RNF150: variants seen among roughly 807,000 people sequenced by gnomAD.
RNF150 encodes the protein ring finger protein 150.
In RNF150, 24 loss-of-function variants were observed where a neutral mutation model predicts 39.3. The ratio of observed to expected loss-of-function variants is 0.61; its 90% confidence interval spans 0.44 to 0.86. The LOEUF (loss-of-function observed/expected upper bound fraction) is 0.86, where lower values mean the gene tolerates loss of function less well. Ranked by LOEUF, RNF150 falls within the 40% of genes least tolerant of loss-of-function variation. The probability of loss-of-function intolerance (pLI) is 0.00; values close to 1 mark genes in which losing one functional copy is unlikely to be tolerated. For missense variants in RNF150, 502 were observed against 587.8 expected, an observed-to-expected ratio of 0.85 and a Z score of 1.51; for synonymous variants, 255 against 227.3, an observed-to-expected ratio of 1.12 and a Z score of -1.10.
At chr4:141,142,069 C>T (rs1727125869) in intron 1 of RNF150, among the ~76,000 whole-genome samples, 1 of 151,960 alleles carries the variant, frequency 6.6e-6, no homozygotes, top group Admixed American at 6.6e-5. Flanking sequence ...AATGGGTTCC[C>T]TAGAATGTCT....
At chr4:141,204,442 A>G (rs1411886619) in intron 1 of RNF150, among the ~76,000 whole-genome samples, 1 of 152,220 alleles carries the variant, frequency 6.6e-6, no homozygotes, top group Non-Finnish European at 1.5e-5. Flanking sequence ...TTCTTAGACA[A>G]AAAGATAAAA....
At position 140,906,898 on chromosome 4, in the gene RNF150, A is replaced by C. The variant is rs1484742259; in HGVS notation, c.1198+4246T>G. On this transcript the variant is annotated intron_variant, in intron 6 of 6. Coordinates refer to ENST00000515673, the MANE Select transcript of RNF150 (RefSeq NM_020724.2). ...AGAGGACTTGTGTAGTGACTCAGTA[A>C]GGGGAATAAGGAAATGAATGGCGAG... 2.0e-5 allele frequency among the ~76,000 whole-genome samples: 3 copies of C among 152,306 alleles called. No homozygotes were observed. The East Asian group carries it at 5.8e-4, about 29-fold the overall frequency.
At chr4:141,078,288 G>A (rs1157750483) in intron 1 of RNF150, among the ~76,000 whole-genome samples, 1 of 152,098 alleles carries the variant, frequency 6.6e-6, no homozygotes, top group Admixed American at 6.5e-5. Flanking sequence ...AAAAGCAACT[G>A]CAATCCTTTT....
intron 5 of RNF150, among the ~76,000 whole-genome samples, chr4:140,921,867 C>T (rs1731168130): frequency 6.6e-6 from 1 of 152,030 alleles, no homozygotes; most frequent in African/African-American, 2.4e-5. Context: ...AAGACAAAAA[C>T]CACATGATTA....
chr4:140,974,285 G>C, intron 1 of RNF150, among the ~76,000 whole-genome samples: 1 of 152,092 alleles, frequency 6.6e-6, no homozygotes, highest in East Asian at 1.9e-4. Context: ...CTCTAGATTG[G>C]CTTTTTCTCA....
At chr4:140,886,973 T>C (rs554542363) in intron 6 of RNF150, among the ~76,000 whole-genome samples, 4 of 152,350 alleles carry the variant, frequency 2.6e-5, no homozygotes, top group African/African-American at 9.6e-5. Context: ...AGCTAATGTA[T>C]GGTGCAAAGT....
chr4:141,084,011 G>A (rs562824463), intron 1 of RNF150, among the ~76,000 whole-genome samples: 9 of 152,242 alleles, frequency 5.9e-5, no homozygotes, highest in Non-Finnish European at 1.0e-4. Flanking sequence ...AATGTGATGT[G>A]GGTAATACTG....
intron 1 of RNF150, among the ~76,000 whole-genome samples, chr4:140,981,229 A>C (rs1006048998): frequency 1.3e-5 from 2 of 152,160 alleles, no homozygotes; most frequent in African/African-American, 4.8e-5. Flanking sequence ...TTGGGACCAG[A>C]AGTGTTTCAG....
chr4:140,914,922 G>T (rs1730754012), intron 5 of RNF150, among the ~76,000 whole-genome samples: 1 of 151,940 alleles, frequency 6.6e-6, no homozygotes, highest in Admixed American at 6.6e-5. Flanking sequence ...TATACCATGG[G>T]TAGATACAAG....
chr4:141,014,373 G>A (rs1445122982), intron 1 of RNF150, among the ~76,000 whole-genome samples: 2 of 152,256 alleles, frequency 1.3e-5, no homozygotes, highest in Middle Eastern at 3.4e-3. Flanking sequence ...TGGGGTTACC[G>A]AGTCACATAG....
chr4:141,148,818 C>T (rs1484068144), intron 1 of RNF150, among the ~76,000 whole-genome samples: 3 of 152,120 alleles, frequency 2.0e-5, no homozygotes, highest in Admixed American at 2.0e-4. Context: ...ATTCCATTTT[C>T]AAATTTTTGG....
At chr4:141,160,501 A>C (rs902984913) in intron 1 of RNF150, among the ~76,000 whole-genome samples, 1 of 152,348 alleles carries the variant, frequency 6.6e-6, no homozygotes, top group African/African-American at 2.4e-5. Flanking sequence ...ACTCATAGAA[A>C]AACATAAAAT....
intron 2 of RNF150, among the ~76,000 whole-genome samples, chr4:140,958,091 C>G (rs7684233): frequency 9.2e-4 from 140 of 152,060 alleles, no homozygotes; most frequent in African/African-American, 3.1e-3. Flanking sequence ...CACAGCATAA[C>G]CACTACTTAC....
intron 1 of RNF150, among the ~76,000 whole-genome samples, chr4:141,108,963 C>T (rs1739301221): frequency 6.6e-6 from 1 of 152,092 alleles, no homozygotes. Flanking sequence ...TGATTTTGGG[C>T]ATATTGCTTG....
chr4:140,944,900 G>A (rs551077455), intron 4 of RNF150: 2 of 152,120 alleles, frequency 1.3e-5, no homozygotes, highest in Non-Finnish European at 2.9e-5. Flanking sequence ...AAAAGCAAAC[G>A]CCAGTGCATT....
intron 1 of RNF150, among the ~76,000 whole-genome samples, chr4:141,108,611 T>C (rs189705607): frequency 6.6e-6 from 1 of 152,326 alleles, no homozygotes; most frequent in East Asian, 1.9e-4. Context: ...ATGTCAAAGT[T>C]GTGATAACAT....
chr4:140,927,119 C>T (rs1371436420), intron 4 of RNF150, among the ~76,000 whole-genome samples: 1 of 152,090 alleles, frequency 6.6e-6, no homozygotes, highest in African/African-American at 2.4e-5. Flanking sequence ...AAAAGTACCT[C>T]CAAATCAGAG....
At chr4:140,971,365 A>G (rs938190445) in intron 1 of RNF150, among the ~76,000 whole-genome samples, 7 of 152,156 alleles carry the variant, frequency 4.6e-5, no homozygotes, top group African/African-American at 1.7e-4. Flanking sequence ...CATCTATGAC[A>G]TTCCAAGGCT....
intron 1 of RNF150, among the ~76,000 whole-genome samples, chr4:140,970,247 T>C (rs1395480990): frequency 1.3e-5 from 2 of 152,222 alleles, no homozygotes; most frequent in Non-Finnish European, 2.9e-5. Flanking sequence ...TTCGATTTAA[T>C]AACAATATTT....
Sources: gnomAD v4.1 joint callset for allele counts (sites outside exome capture counted in the v4.1 genomes callset) on GRCh38, gnomAD v4.1.1 for gene constraint, MANE v1.5 for transcripts, NCBI Gene and HGNC (gene_info 2026-07-23, HGNC 2026-07-21) for gene names.